LOXL2: variants seen among roughly 807,000 people sequenced by gnomAD.
LOXL2 encodes the protein lysyl oxidase homolog 2.
A neutral mutation model predicts 93.0 loss-of-function variants in LOXL2; 70 were observed. That is an observed-to-expected ratio of 0.75 (90% CI 0.62 to 0.92). The LOEUF is 0.92. Among genes scored for constraint, LOXL2 ranks in the 40% least tolerant of loss-of-function variants. The pLI, the probability that LOXL2 is intolerant of heterozygous loss-of-function variation, is 0.00. For missense variants in LOXL2, 973 were observed against 1,054.9 expected (o/e 0.92, Z 1.08); for synonymous variants, 438 against 413.2 (o/e 1.06, Z -0.73).
At chr8:23,367,507 C>T (rs1382307853) in intron 2 of LOXL2, among the ~76,000 whole-genome samples, 1 of 152,172 alleles carries the variant, frequency 6.6e-6, no homozygotes, top group Non-Finnish European at 1.5e-5. Flanking sequence ...ACTCCACATG[C>T]CAGGAAGGTG....
chr8:23,355,512 C>CTTTTTTT (rs58824822), intron 3 of LOXL2, among the ~76,000 whole-genome samples: 5 of 80,320 alleles, frequency 6.2e-5, no homozygotes, highest in Non-Finnish European at 6.8e-5. Flanking sequence ...TTGACATTCA[C>CTTTTTTT]TTTTTTTTTT....
intron 1 of LOXL2, among the ~76,000 whole-genome samples, chr8:23,369,664 A>G (rs11135728): frequency 0.18 from 27,979 of 152,084 alleles, 3,343 homozygotes; most frequent in African/African-American, 0.34. Context: ...TGGAGATGTT[A>G]GAGCCTGGGG....
chr8:23,359,558 T>C (rs932463515), intron 3 of LOXL2, among the ~76,000 whole-genome samples: 1 of 152,144 alleles, frequency 6.6e-6, no homozygotes, highest in African/African-American at 2.4e-5. Context: ...CCAGCCCCCA[T>C]TGACAGCCTG....
At chr8:23,302,221 C>T (rs1563183644) in intron 11 of LOXL2, 58 bp from the exon 12 acceptor site, 4 of 1,600,354 alleles carry the variant, frequency 2.5e-6, no homozygotes, top group East Asian at 4.5e-5. Flanking sequence ...ACTGCCGCAC[C>T]CTCTTCCTGC....
chr8:23,403,808 A>G (rs1800183328), intron 1 of LOXL2, 146 bp downstream of exon 1: 2 of 152,338 alleles, frequency 1.3e-5, no homozygotes, highest in Admixed American at 6.5e-5. Context: ...ACGTCCTCGC[A>G]TCGCTCCCCG....
chr8:23,333,304 AC>A, intron 5 of LOXL2, 96 bp downstream of exon 5: 3 of 1,163,692 alleles, frequency 2.6e-6, no homozygotes, highest in Non-Finnish European at 3.8e-6. Context: ...CGCTGAGGCC[AC>A]CCTTCCTCAC....
chr8:23,368,171 C>A lies in LOXL2; in HGVS notation c.181G>T (p.Ala61Ser). Reference sequence around the variant, plus strand: ...TCGCTGTGCTTCCTCTTCTGCCCAGCCAGGCGCAGCTGAATCTTGGCCACG... The same window carrying A: ...TCGCTGTGCTTCCTCTTCTGCCCAGACAGGCGCAGCTGAATCTTGGCCACG... ...ANVAKIQLRL[A>S]GQKRKHSEGR... The change falls in exon 2 of 14, where the codon GCT (alanine) becomes TCT (serine). Residue 61 changes from alanine (A) to serine (S), a missense_variant. Physicochemically the swap from Ala to Ser is moderately conservative, Grantham distance 99. Coordinates refer to ENST00000389131, the MANE Select transcript of LOXL2 (RefSeq NM_002318.3). 1 of 1,614,106 alleles carries A rather than the reference C, an allele frequency of 6.2e-7. No homozygotes were observed. Among genetic ancestry groups the A allele is most frequent in the Non-Finnish European group, 8.5e-7 (1 of 1,180,024 alleles).
chr8:23,340,965 G>C, intron 4 of LOXL2, 27 bp downstream of exon 4: 1 of 1,592,566 alleles, frequency 6.3e-7, no homozygotes. Flanking sequence ...TACCCTCAAA[G>C]CCACCCCTTT....
chr8:23,393,209 T>C (rs934999845), intron 1 of LOXL2, among the ~76,000 whole-genome samples: 6 of 152,228 alleles, frequency 3.9e-5, no homozygotes, highest in Non-Finnish European at 8.8e-5. Context: ...ACAAGCTGAT[T>C]GATTCTAAAA....
chr8:23,400,395 A>C (rs1585387341), intron 1 of LOXL2, among the ~76,000 whole-genome samples: 1 of 152,282 alleles, frequency 6.6e-6, no homozygotes, highest in East Asian at 1.9e-4. Context: ...CCCATTTATA[A>C]AACCATATCT....
intron 1 of LOXL2, among the ~76,000 whole-genome samples, chr8:23,373,351 T>C (rs1585376289): frequency 6.6e-6 from 1 of 152,272 alleles, no homozygotes; most frequent in African/African-American, 2.4e-5. Context: ...TCTTCTACAC[T>C]GCCTGGCAGG....
At chr8:23,301,557 G>A (rs937234927) in intron 12 of LOXL2, among the ~76,000 whole-genome samples, 5 of 152,158 alleles carry the variant, frequency 3.3e-5, no homozygotes, top group African/African-American at 1.2e-4. Flanking sequence ...AGATATTTCC[G>A]GAAGAGCTAA....
chr8:23,300,431 T>C (rs1233115956), intron 12 of LOXL2, among the ~76,000 whole-genome samples: 1 of 152,220 alleles, frequency 6.6e-6, no homozygotes, highest in East Asian at 1.9e-4. Context: ...CACAGGTCCC[T>C]CTGCGTGGAC....
At chr8:23,395,688 G>C (rs1356837114) in intron 1 of LOXL2, among the ~76,000 whole-genome samples, 1 of 152,010 alleles carries the variant, frequency 6.6e-6, no homozygotes, top group Non-Finnish European at 1.5e-5. Flanking sequence ...CTTGACTGAA[G>C]ACTTTATTAT....
At chr8:23,306,749 G>A (rs1276387965) in intron 10 of LOXL2, among the ~76,000 whole-genome samples, 1 of 152,262 alleles carries the variant, frequency 6.6e-6, no homozygotes, top group African/African-American at 2.4e-5. Flanking sequence ...TTCCCCCGAG[G>A]TGGGAGAGCC....
intron 1 of LOXL2, among the ~76,000 whole-genome samples, chr8:23,383,754 G>A (rs917029142): frequency 6.3e-5 from 9 of 142,040 alleles, no homozygotes; most frequent in African/African-American, 1.9e-4. Flanking sequence ...TCTGCCTCCC[G>A]GGTTCACGCC....
intron 10 of LOXL2, among the ~76,000 whole-genome samples, chr8:23,304,891 G>C (rs1302054585): frequency 6.6e-6 from 1 of 152,168 alleles, no homozygotes; most frequent in Non-Finnish European, 1.5e-5. Context: ...GCAATGAACA[G>C]GATAGGTTTC....
chr8:23,393,248 T>G (rs78350198), intron 1 of LOXL2, among the ~76,000 whole-genome samples: 1,896 of 152,346 alleles, frequency 0.012, 35 homozygotes, highest in African/African-American at 0.044. Flanking sequence ...AGACCCAGAT[T>G]AGCCAAAACA....
At chr8:23,314,600 A>C (rs1220124790) in intron 9 of LOXL2, among the ~76,000 whole-genome samples, 1 of 150,896 alleles carries the variant, frequency 6.6e-6, no homozygotes, top group Non-Finnish European at 1.5e-5. Flanking sequence ...CAATGAGAAC[A>C]CACGGACACA....
Sources: gnomAD v4.1 joint callset for allele counts (sites outside exome capture counted in the v4.1 genomes callset) on GRCh38, gnomAD v4.1.1 for gene constraint, MANE v1.5 for transcripts, NCBI Gene and HGNC (gene_info 2026-07-23, HGNC 2026-07-21) for gene names.